The following ACTRT1 variants were observed in gnomAD, a reference collection of about 807,000 sequenced individuals.
ACTRT1 encodes the protein actin-related protein T1.
Under a neutral mutation model 1.4 loss-of-function variants are expected in ACTRT1, and 1 was observed. The ratio of observed to expected loss-of-function variants is 0.69; its 90% CI spans 0.25 to 3.28. The LOEUF is 3.28. ACTRT1 is among the 30% of genes most tolerant of loss of function. ACTRT1 has a pLI of 0.20. For synonymous variants in ACTRT1, 121 were observed against 115.2 expected, an observed-to-expected ratio of 1.05 and a Z score of -0.32; for missense variants, 334 against 291.5, an observed-to-expected ratio of 1.15 and a Z score of -1.06.
At position 128,051,407 on chromosome X, in the gene ACTRT1, T is replaced by A. The variant is rs1276078612; in HGVS notation, c.800A>T (p.Gln267Leu). The change falls in exon 1 of 1, where the codon CAG becomes CTG. Residue 267 changes from glutamine (Q) to leucine (L), a missense_variant. By Grantham distance (113) the Gln-to-Leu change is moderately radical. Transcript: ENST00000371124. ...QVPEVLFAPD[Q>L]LGIHSPGLSK... ...GAGTCCTGGGCTGTGGATGCCCAGC[T>A]GGTCAGGTGCAAAAAGAACCTCGGG... 1.1e-5 allele frequency: 13 copies of A among 1,210,789 alleles called. No individual in the cohort carries two copies. Among genetic ancestry groups the A allele is most frequent in the Non-Finnish European group, 1.5e-5 (13 of 895,328 alleles).
At position 128,052,007 on chromosome X, in the gene ACTRT1, G is replaced by A. The variant is rs754838106; in HGVS notation, c.200C>T (p.Ala67Val). The A allele has an allele frequency of 9.1e-6, 11 of 1,209,617 alleles. No homozygotes were observed. The South Asian group carries it at 1.4e-4, about 15-fold the overall frequency. ...VGQEALYKYE[A>V]LHLHYPIERG... Reference sequence around the variant, plus strand: ...CTCAATGGGGTAGTGCAAATGTAGGGCCTCATACTTGTACAGGGCTTCTTG... The same window carrying A: ...CTCAATGGGGTAGTGCAAATGTAGGACCTCATACTTGTACAGGGCTTCTTG... Residue 67 changes from alanine to valine, a missense_variant, in exon 1 of 1, where the codon GCC becomes GTC. Ala to Val is a moderately conservative substitution (Grantham distance 64, BLOSUM62 0). Transcript: ENST00000371124.
At position 128,052,222 on chromosome X, in the gene ACTRT1, T is replaced by C. The variant is rs778106847; in HGVS notation, c.-16A>G. Reference sequence around the variant, plus strand: ...GATTAAACATGTCTGTAATATGTTCTCCTGGACTTCCCCCAAATAAAGAAA... The same window carrying C: ...GATTAAACATGTCTGTAATATGTTCCCCTGGACTTCCCCCAAATAAAGAAA... On this transcript the variant is annotated 5_prime_UTR_variant, in exon 1 of 1. Transcript: ENST00000371124. The C allele has an allele frequency of 8.7e-7, 1 of 1,153,497 alleles. No individual in the cohort carries two copies. Among genetic ancestry groups the C allele is most frequent in the South Asian group, 2.1e-5 (1 of 47,546 alleles).
rs199981600 is a variant in ACTRT1 at position 128,051,058 on chromosome X, T to A, written c.*18A>T. ...CTGTAATCTGACACTTCAAGATGTCTCCTCTGCTCAAGGATCTTTAAAAGC... is the reference window on the plus strand; with the variant it reads ...CTGTAATCTGACACTTCAAGATGTCACCTCTGCTCAAGGATCTTTAAAAGC... On this transcript the variant is annotated 3_prime_UTR_variant, in exon 1 of 1. Transcript: ENST00000371124. The A allele has an allele frequency of 3.4e-6, 4 of 1,193,675 alleles. No homozygotes were observed. In the African/African-American group the frequency reaches 7.1e-5, roughly 21 times the overall value.
Position 128,051,311 on chromosome X carries a change from A to G in ACTRT1, c.896T>C (p.Val299Ala). 1.7e-6 allele frequency: 2 copies of G among 1,210,540 alleles called. No homozygotes were observed. Among genetic ancestry groups the G allele is most frequent in the South Asian group, 1.8e-5 (1 of 56,852 alleles). Residue 299 changes from valine (V) to alanine (A), a missense_variant, in exon 1 of 1, where the codon GTA (valine) becomes GCA (alanine). Val to Ala is a moderately conservative substitution (Grantham distance 64). Coordinates refer to ENST00000371124, the MANE Select transcript of ACTRT1 (RefSeq NM_138289.4). ...DIQNKLYADI[V>A]LSGGTTLLPG... ...GAGGAGAGTGGTGCCCCCGGAGAGTACAATGTCTGCATAAAGTTTATTCTG... is the reference window on the plus strand; with the variant it reads ...GAGGAGAGTGGTGCCCCCGGAGAGTGCAATGTCTGCATAAAGTTTATTCTG...
Position 128,051,310 on chromosome X carries a change from T to C in ACTRT1, c.897A>G (p.Val299=), listed in dbSNP as rs1927760089. 8.3e-7 allele frequency: 1 copy of C among 1,209,556 alleles called. No homozygotes were observed. The highest frequency in any genetic ancestry group is 1.1e-6 in the Non-Finnish European group (1 of 895,059). ...GGAGGAGAGTGGTGCCCCCGGAGAG[T>C]ACAATGTCTGCATAAAGTTTATTCT... ...DIQNKLYADI[V]LSGGTTLLPG... is the part of the protein sequence containing the mutation. The change falls in exon 1 of 1, where the codon GTA becomes GTG. Residue 299 remains valine (V), a synonymous_variant. Transcript: ENST00000371124.
At position 128,051,854 on chromosome X, in the gene ACTRT1, A is replaced by T. The variant is rs1319005715; in HGVS notation, c.353T>A (p.Ile118Asn). 33 of 1,209,357 alleles carry T rather than the reference A, an allele frequency of 2.7e-5. No individual in the cohort carries two copies. Among genetic ancestry groups the T allele is most frequent in the Non-Finnish European group, 3.2e-5 (29 of 895,101 alleles). The change falls in exon 1 of 1, where the codon ATT becomes AAT. Residue 118 changes from isoleucine to asparagine, a missense_variant. By Grantham distance (149) the Ile-to-Asn change is moderately radical (BLOSUM62 -3). Transcript: ENST00000371124. Reference sequence around the variant, plus strand: ...CATCATTTCTGCTAGCTTTTCTCGAATTTCCCTAGGATTCAAAGAGGGCTC... The same window carrying T: ...CATCATTTCTGCTAGCTTTTCTCGATTTTCCCTAGGATTCAAAGAGGGCTC... ...MTEPSLNPRE[I>N]REKLAEMMFE...
Position 128,052,296 on chromosome X carries a change from A to G in ACTRT1, c.-90T>C. 9.6e-7 allele frequency: 1 copy of G among 1,041,009 alleles called. No homozygotes were observed. The highest frequency in any genetic ancestry group is 1.3e-6 in the Non-Finnish European group (1 of 776,101). 85.8% of individuals were successfully genotyped at this position (1,041,009 alleles called of 1,213,427 possible). A position where few individuals can be genotyped will look rare whatever the true frequency, so the allele number is the denominator to read the frequency against. On this transcript the variant is annotated 5_prime_UTR_variant, in exon 1 of 1. It removes the in-frame stop codon of an upstream open reading frame in the 5' UTR. Coordinates refer to ENST00000371124, the MANE Select transcript of ACTRT1 (RefSeq NM_138289.4). ...ATGACAGGCACCTTTAGAATTTTTT[A>G]AACTTCAGGGTTCTGAAGTTTCAAG... is the stretch of plus-strand genomic sequence containing the variant.
chrX:128,051,772 G>A lies in ACTRT1; in HGVS notation c.435C>T (p.Leu145=). 1.7e-6 allele frequency: 2 copies of A among 1,210,960 alleles called. No homozygotes were observed. Among genetic ancestry groups the A allele is most frequent in the Non-Finnish European group, 2.2e-6 (2 of 895,155 alleles). ...GGCCTGTGACACAGGCAGAGGCATAGAGCGCTGCCACCGCATGATTAGACA... is the reference window on the plus strand; with the variant it reads ...GGCCTGTGACACAGGCAGAGGCATAAAGCGCTGCCACCGCATGATTAGACA... ...FYLSNHAVAA[L]YASACVTGLV... The change falls in exon 1 of 1, where the codon CTC becomes CTT. Residue 145 remains leucine (L), a synonymous_variant. Coordinates refer to ENST00000371124, the MANE Select transcript of ACTRT1 (RefSeq NM_138289.4).
Position 128,050,980 on chromosome X carries a change from T to C in ACTRT1, c.*96A>G. The C allele has an allele frequency of 5.9e-6, 6 of 1,023,781 alleles. No individual in the cohort carries two copies. The highest frequency in any genetic ancestry group is 7.9e-6 in the Non-Finnish European group (6 of 757,259). The allele number at this position is 1,023,781 out of a possible 1,213,427, so 84.4% of individuals were successfully genotyped here. A position where few individuals can be genotyped will look rare whatever the true frequency, so the allele number is the denominator to read the frequency against. ...CTGAAACTTGAAATGGCAAAACTTT[T>C]ATTGAACATCATGCTGAAGCCCAGA... On this transcript the variant is annotated 3_prime_UTR_variant, in exon 1 of 1. Transcript: ENST00000371124.
Position 128,051,541 on chromosome X carries a change from G to T in ACTRT1, c.666C>A (p.Ile222=). 8.3e-7 allele frequency: 1 copy of T among 1,211,130 alleles called. No individual in the cohort carries two copies. The highest frequency in any genetic ancestry group is 1.1e-6 in the Non-Finnish European group (1 of 895,394). ...GTAGCTCTTTCTCTGGCTCCAAGGC[G>T]ATGTAGCACAACTTCTCTTTGATGT... ...VNNIKEKLCY[I]ALEPEKELRK... Residue 222 remains isoleucine (I), a synonymous_variant, in exon 1 of 1, where the codon ATC becomes ATA. Transcript: ENST00000371124.
Position 128,051,991 on chromosome X carries a change from G to A in ACTRT1, c.216C>T (p.Tyr72=), listed in dbSNP as rs758368742. 5 of 1,211,572 alleles carry A rather than the reference G, an allele frequency of 4.1e-6. No individual in the cohort carries two copies. In the Admixed American group the frequency reaches 1.1e-4, roughly 26 times the overall value. The change falls in exon 1 of 1, where the codon TAC becomes TAT. Residue 72 remains tyrosine (Y), a synonymous_variant. Coordinates refer to ENST00000371124, the MANE Select transcript of ACTRT1 (RefSeq NM_138289.4). ...LYKYEALHLH[Y]PIERGLVTGW... is the part of the protein sequence containing the mutation. ...CTGTTACCAGTCCACGCTCAATGGGGTAGTGCAAATGTAGGGCCTCATACT... is the reference window on the plus strand; with the variant it reads ...CTGTTACCAGTCCACGCTCAATGGGATAGTGCAAATGTAGGGCCTCATACT...
chrX:128,051,923 C>G lies in ACTRT1; in HGVS notation c.284G>C (p.Arg95Pro). 2 of 1,211,760 alleles carry G rather than the reference C, an allele frequency of 1.7e-6. No homozygotes were observed. Among genetic ancestry groups the G allele is most frequent in the Non-Finnish European group, 2.2e-6 (2 of 895,552 alleles). The change falls in exon 1 of 1, where the codon CGG becomes CCG. Residue 95 changes from arginine (R) to proline (P), a missense_variant. By Grantham distance (103) the Arg-to-Pro change is moderately radical. Coordinates refer to ENST00000371124, the MANE Select transcript of ACTRT1 (RefSeq NM_138289.4). ...MEKLWKHLFE[R>P]ELGVKPSQQP... Reference sequence around the variant, plus strand: ...TTGGCTGGGTTTTACTCCAAGCTCCCGCTCAAAGAGATGTTTCCAGAGTTT... The same window carrying G: ...TTGGCTGGGTTTTACTCCAAGCTCCGGCTCAAAGAGATGTTTCCAGAGTTT...
At position 128,051,578 on chromosome X, in the gene ACTRT1, G is replaced by A; in HGVS notation, c.629C>T (p.Ala210Val). The A allele has an allele frequency of 5.0e-6, 6 of 1,209,083 alleles. No individual in the cohort carries two copies. The highest frequency in any genetic ancestry group is 2.3e-4 in the Middle Eastern group (1 of 4,347). ...GFNFPCILNK[A>V]VVNNIKEKLC... is the part of the protein sequence containing the mutation. The stretch of plus-strand genomic sequence containing the variant: ...CTTCTCTTTGATGTTATTTACCACG[G>A]CCTTGTTGAGTATGCAAGGGAAGTT... Residue 210 changes from alanine to valine, a missense_variant, in exon 1 of 1, where the codon GCC (alanine) becomes GTC (valine). By Grantham distance (64) the Ala-to-Val change is moderately conservative (BLOSUM62 0). Transcript: ENST00000371124.
rs1927748107 is a variant in ACTRT1, at chrX:128,051,030, C to T, written c.*46G>A. 3 of 1,157,077 alleles carry T rather than the reference C, an allele frequency of 2.6e-6. No homozygotes were observed. The highest frequency in any genetic ancestry group is 3.5e-6 in the Non-Finnish European group (3 of 862,836). ...AAGAAAATGCCATCTCCCACTGGTA[C>T]TCCTGTAATCTGACACTTCAAGATG... On this transcript the variant is annotated 3_prime_UTR_variant, in exon 1 of 1. Transcript: ENST00000371124.
chrX:128,052,011 C>T lies in ACTRT1; in HGVS notation c.196G>A (p.Glu66Lys). The T allele has an allele frequency of 8.3e-7, 1 of 1,211,448 alleles. No individual in the cohort carries two copies. ...ATGGGGTAGTGCAAATGTAGGGCCTCATACTTGTACAGGGCTTCTTGCCCC... is the reference window on the plus strand; with the variant it reads ...ATGGGGTAGTGCAAATGTAGGGCCTTATACTTGTACAGGGCTTCTTGCCCC... ...FVGQEALYKYEALHLHYPIER... is the reference protein window; with the variant it reads ...FVGQEALYKYKALHLHYPIER... Residue 66 changes from glutamate (E) to lysine (K), a missense_variant, in exon 1 of 1, where the codon GAG (glutamate) becomes AAG (lysine). By Grantham distance (56) the Glu-to-Lys change is moderately conservative. Coordinates refer to ENST00000371124, the MANE Select transcript of ACTRT1 (RefSeq NM_138289.4).
chrX:128,051,686 A>G lies in ACTRT1; in HGVS notation c.521T>C (p.Leu174Pro). 8.3e-7 allele frequency: 1 copy of G among 1,211,435 alleles called. No homozygotes were observed. Among genetic ancestry groups the G allele is most frequent in the Non-Finnish European group, 1.1e-6 (1 of 895,446 alleles). Residue 174 changes from leucine to proline, a missense_variant, in exon 1 of 1, where the codon CTG becomes CCG. Leu to Pro is a moderately conservative substitution (Grantham distance 98). Transcript: ENST00000371124. ...ACAGAGTTTGGTGACTGCGTGAGGCAGGGAGTAACCCTCAAAGATGGGGAC... is the reference window on the plus strand; with the variant it reads ...ACAGAGTTTGGTGACTGCGTGAGGCGGGGAGTAACCCTCAAAGATGGGGAC... ...CTVPIFEGYSLPHAVTKLCMA... is the reference protein window; with the variant it reads ...CTVPIFEGYSPPHAVTKLCMA...
Position 128,051,854 on chromosome X carries a change from A to C in ACTRT1, c.353T>G (p.Ile118Ser), listed in dbSNP as rs1319005715. The change falls in exon 1 of 1, where the codon ATT becomes AGT. Residue 118 changes from isoleucine to serine, a missense_variant. Coordinates refer to ENST00000371124, the MANE Select transcript of ACTRT1 (RefSeq NM_138289.4). ...MTEPSLNPRE[I>S]REKLAEMMFE... The stretch of plus-strand genomic sequence containing the variant: ...CATCATTTCTGCTAGCTTTTCTCGA[A>C]TTTCCCTAGGATTCAAAGAGGGCTC... The C allele has an allele frequency of 1.7e-6, 2 of 1,211,186 alleles. No individual in the cohort carries two copies. The highest frequency in any genetic ancestry group is 2.2e-6 in the Non-Finnish European group (2 of 895,378).
Position 128,051,154 on chromosome X carries a change from G to A in ACTRT1, c.1053C>T (p.Ser351=). ...WIGASIMTSM[S]SFKQMWVTSA... Reference sequence around the variant, plus strand: ...AGGTGACCCACATCTGCTTGAAACTGCTCATAGAGGTCATGATGGATGCAC... The same window carrying A: ...AGGTGACCCACATCTGCTTGAAACTACTCATAGAGGTCATGATGGATGCAC... The change falls in exon 1 of 1, where the codon AGC becomes AGT. Residue 351 remains serine (S), a synonymous_variant. Transcript: ENST00000371124. 3 of 1,209,775 alleles carry A rather than the reference G, an allele frequency of 2.5e-6. No homozygotes were observed. In the South Asian group the frequency reaches 5.3e-5, roughly 21 times the overall value.
At position 128,051,163 on chromosome X, in the gene ACTRT1, G is replaced by A. The variant is rs1295679582; in HGVS notation, c.1044C>T (p.Thr348=). ...ACATCTGCTTGAAACTGCTCATAGA[G>A]GTCATGATGGATGCACCAATCCATG... ...FSAWIGASIM[T]SMSSFKQMWV... The change falls in exon 1 of 1, where the codon ACC becomes ACT. Residue 348 remains threonine (T), a synonymous_variant. Transcript: ENST00000371124. 1 of 1,210,020 alleles carries A rather than the reference G, an allele frequency of 8.3e-7. No homozygotes were observed. The highest frequency in any genetic ancestry group is 2.2e-5 in the Admixed American group (1 of 45,753).
Sources: gnomAD v4.1 joint callset for allele counts on GRCh38, gnomAD v4.1.1 for gene constraint, MANE v1.5 for transcripts, NCBI Gene and HGNC (gene_info 2026-07-23, HGNC 2026-07-21) for gene names.